Variants in EXTL1 observed in about 807,000 individuals in gnomAD.
The protein encoded by EXTL1 is exostosin-like 1.
In EXTL1, 43 loss-of-function variants were observed where a neutral mutation model predicts 64.6. That is an observed-to-expected ratio of 0.67 (90% CI 0.52 to 0.86). The LOEUF is 0.86. EXTL1 is among the 40% of genes least tolerant of loss of function. The pLI is 0.00. For missense variants in EXTL1, 766 were observed against 879.0 expected (o/e 0.87, Z 1.62); for synonymous variants, 352 against 360.5 (o/e 0.98, Z 0.27).
chr1:26,029,592 C>T lies in EXTL1; in HGVS notation c.874-8C>T, dbSNP rs749330190. The T allele has an allele frequency of 2.5e-5, 39 of 1,571,558 alleles. No homozygotes were observed. The highest frequency in any genetic ancestry group is 3.3e-5 in the Non-Finnish European group (38 of 1,148,628). ...GCTGGGCTCCCCAGTGACCTCCCCG[C>T]CCCCCAGGCCGGCTGCATCCCAGTG... On this transcript the variant is annotated splice_region_variant and splice_polypyrimidine_tract_variant and intron_variant, in intron 2 of 10. Transcript: ENST00000374280.
At chr1:26,029,912 C>T (rs2802323) in intron 3 of EXTL1, among the ~76,000 whole-genome samples, 1 of 152,202 alleles carries the variant, frequency 6.6e-6, no homozygotes, top group African/African-American at 2.4e-5. Flanking sequence ...GAGAGCAAGT[C>T]CTGATCCTCT....
Position 26,035,536 on chromosome 1 carries a change from C to G in EXTL1, c.*189C>G. The G allele has an allele frequency of 2.1e-6, 1 of 475,780 alleles. No homozygotes were observed. The highest frequency in any genetic ancestry group is 3.7e-6 in the Non-Finnish European group (1 of 270,376). The allele number at this position is 475,780 out of a possible 1,614,324, so 29.5% of individuals were successfully genotyped here. A position where few individuals can be genotyped will look rare whatever the true frequency, so the allele number is the denominator to read the frequency against. On this transcript the variant is annotated 3_prime_UTR_variant, in exon 11 of 11. Coordinates refer to ENST00000374280, the MANE Select transcript of EXTL1 (RefSeq NM_004455.3). This position sits in a 1 kb window ranked among gnomAD's most constrained non-coding sequence, Gnocchi z 5.3. The stretch of plus-strand genomic sequence containing the variant: ...CTTACCTTCTCCTGCTCGCCCTCAG[C>G]CGCGGAGCCTCTGCGGAGGCTGAGC...
rs974447245 is a variant in EXTL1 at position 26,033,982 on chromosome 1, CCAG to C, written c.1679+128_1679+130del. The C allele has an allele frequency of 6.7e-5, 55 of 822,204 alleles. No homozygotes were observed. The African/African-American group carries it at 9.7e-4, about 15-fold the overall frequency. The allele number at this position is 822,204 out of a possible 1,614,324, so 50.9% of individuals were successfully genotyped here. A position where few individuals can be genotyped will look rare whatever the true frequency, so the allele number is the denominator to read the frequency against. ...GTTCAAGGCCGAGATCTGCCACTTC[CCAG>C]CTGTGGGATCCTGGGCAAATCTCCT... On this transcript the variant is annotated intron_variant, in intron 9 of 10. Transcript: ENST00000374280. The surrounding 1 kb of genome is among the most constrained non-coding windows in gnomAD (Gnocchi z 5.1).
chr1:26,033,995 C>A lies in EXTL1; in HGVS notation c.1679+139C>A. 1 of 740,514 alleles carries A rather than the reference C, an allele frequency of 1.4e-6. No homozygotes were observed. Among genetic ancestry groups the A allele is most frequent in the Non-Finnish European group, 2.1e-6 (1 of 485,884 alleles). The allele number at this position is 740,514 out of a possible 1,614,324, so 45.9% of individuals were successfully genotyped here. ...ATCTGCCACTTCCCAGCTGTGGGATCCTGGGCAAATCTCCTCACTTCTCTA... is the reference window on the plus strand; with the variant it reads ...ATCTGCCACTTCCCAGCTGTGGGATACTGGGCAAATCTCCTCACTTCTCTA... On this transcript the variant is annotated intron_variant, in intron 9 of 10. Transcript: ENST00000374280. The surrounding 1 kb of genome is among the most constrained non-coding windows in gnomAD (Gnocchi z 5.1).
chr1:26,035,660 C>T lies in EXTL1; in HGVS notation c.*313C>T. ...CCAGGGACTTGCCTGGCCCTCCTCC[C>T]CCTCCGCCCCCAATGGGTTCGGTCT... On this transcript the variant is annotated 3_prime_UTR_variant, in exon 11 of 11. Coordinates refer to ENST00000374280, the MANE Select transcript of EXTL1 (RefSeq NM_004455.3). The surrounding 1 kb of genome is among the most constrained non-coding windows in gnomAD (Gnocchi z 5.3). The T allele has an allele frequency of 3.3e-6, 1 of 303,230 alleles. No homozygotes were observed. The highest frequency in any genetic ancestry group is 6.1e-6 in the Non-Finnish European group (1 of 163,414). 18.8% of individuals were successfully genotyped at this position (303,230 alleles called of 1,614,324 possible). A position where few individuals can be genotyped will look rare whatever the true frequency, so the allele number is the denominator to read the frequency against.
intron 1 of EXTL1, among the ~76,000 whole-genome samples, chr1:26,027,694 A>AAAAAAAAAAAAAAAAAAG (rs1557551579): frequency 1.1e-4 from 15 of 139,658 alleles, no homozygotes; most frequent in Admixed American, 2.2e-4. Context: ...ATCTCTAAAA[A>AAAAAAAAAAAAAAAAAAG]AAAAAAAAAA....
rs369182011 is a variant in EXTL1 at position 26,029,591 on chromosome 1, G to A, written c.874-9G>A. Reference sequence around the variant, plus strand: ...GGCTGGGCTCCCCAGTGACCTCCCCGCCCCCCAGGCCGGCTGCATCCCAGT... The same window carrying A: ...GGCTGGGCTCCCCAGTGACCTCCCCACCCCCCAGGCCGGCTGCATCCCAGT... On this transcript the variant is annotated splice_polypyrimidine_tract_variant and intron_variant, in intron 2 of 10. Transcript: ENST00000374280. 30 of 1,569,682 alleles carry A rather than the reference G, an allele frequency of 1.9e-5. No homozygotes were observed. The African/African-American group carries it at 3.5e-4, about 18-fold the overall frequency.
At position 26,033,432 on chromosome 1, in the gene EXTL1, C is replaced by A. The variant is rs1252570750; in HGVS notation, c.1518+117C>A. 67 of 875,670 alleles carry A rather than the reference C, an allele frequency of 7.7e-5. No homozygotes were observed. The East Asian group carries it at 1.4e-3, about 18-fold the overall frequency. The allele number at this position is 875,670 out of a possible 1,614,324, so 54.2% of individuals were successfully genotyped here. On this transcript the variant is annotated intron_variant, in intron 8 of 10. Coordinates refer to ENST00000374280, the MANE Select transcript of EXTL1 (RefSeq NM_004455.3). The surrounding 1 kb of genome is among the most constrained non-coding windows in gnomAD (Gnocchi z 5.1). ...CCAGGTCATGAGGTCCAGCCTCTTG[C>A]ATTTGAAACCACCCCAGCAAGCCAG... is the stretch of plus-strand genomic sequence containing the variant.
In EXTL1 at chr1:26,035,009, G is replaced by C; in HGVS notation, c.1848+5G>C. 1 of 1,613,926 alleles carries C rather than the reference G, an allele frequency of 6.2e-7. No individual in the cohort carries two copies. The highest frequency in any genetic ancestry group is 1.3e-5 in the African/African-American group (1 of 75,066). ...CGCCAGGAGGCTGCTCCACTGGTGAGGGCTGAGGGGGATTGGTCGGAACTG... is the reference window on the plus strand; with the variant it reads ...CGCCAGGAGGCTGCTCCACTGGTGACGGCTGAGGGGGATTGGTCGGAACTG... On this transcript the variant is annotated splice_donor_5th_base_variant and intron_variant, in intron 10 of 10. Transcript: ENST00000374280. This position sits in a 1 kb window ranked among gnomAD's most constrained non-coding sequence, Gnocchi z 5.3.
In EXTL1 at chr1:26,035,488, C is replaced by A; in HGVS notation, c.*141C>A. 1 of 710,866 alleles carries A rather than the reference C, an allele frequency of 1.4e-6. No individual in the cohort carries two copies. Among genetic ancestry groups the A allele is most frequent in the Non-Finnish European group, 2.3e-6 (1 of 438,628 alleles). 44.0% of individuals were successfully genotyped at this position (710,866 alleles called of 1,614,324 possible). ...GCCCACACGTCGGACCCCGGTTGGC[C>A]AATCACAACAGGGGGGCGTGGCCTT... is the stretch of plus-strand genomic sequence containing the variant. On this transcript the variant is annotated 3_prime_UTR_variant, in exon 11 of 11. Transcript: ENST00000374280. The surrounding 1 kb of genome is among the most constrained non-coding windows in gnomAD (Gnocchi z 5.3).
intron 1 of EXTL1, among the ~76,000 whole-genome samples, chr1:26,024,047 C>T (rs1300370758): frequency 6.6e-6 from 1 of 152,206 alleles, no homozygotes; most frequent in Non-Finnish European, 1.5e-5. Context: ...AAGAAACAGC[C>T]TTTGGTTATA....
Position 26,032,438 on chromosome 1 carries a change from T to A in EXTL1, c.1384T>A (p.Trp462Arg). 1 of 1,555,758 alleles carries A rather than the reference T, an allele frequency of 6.4e-7. No homozygotes were observed. The highest frequency in any genetic ancestry group is 8.7e-7 in the Non-Finnish European group (1 of 1,149,204). ...WSNERPLPSR[W>R]PETAVPLTVI... ...CAATGAGAGGCCACTCCCATCCAGG[T>A]GGCCGGAGACAGCTGTGCCCTTGAC... Residue 462 changes from tryptophan (W) to arginine (R), a missense_variant, in exon 7 of 11, where the codon TGG (tryptophan) becomes AGG (arginine). Physicochemically the swap from Trp to Arg is moderately radical, Grantham distance 101. Around this residue, in one of 3 missense-constraint regions of EXTL1, gnomAD observed 571 missense variants for 647.6 expected, o/e 0.88. Transcript: ENST00000374280.
At position 26,035,412 on chromosome 1, in the gene EXTL1, C is replaced by A. The variant is rs2050329115; in HGVS notation, c.*65C>A. The A allele has an allele frequency of 9.7e-6, 14 of 1,443,136 alleles. No individual in the cohort carries two copies. Among genetic ancestry groups the A allele is most frequent in the East Asian group, 4.7e-5 (2 of 42,244 alleles). 89.4% of individuals were successfully genotyped at this position (1,443,136 alleles called of 1,614,324 possible). A position where few individuals can be genotyped will look rare whatever the true frequency, so the allele number is the denominator to read the frequency against. On this transcript the variant is annotated 3_prime_UTR_variant, in exon 11 of 11. Transcript: ENST00000374280. The surrounding 1 kb of genome is among the most constrained non-coding windows in gnomAD (Gnocchi z 5.3). Reference sequence around the variant, plus strand: ...AGCTCCCAGGGGGCCCGGCGCCTGCCGGCGGGCTCCGCTCTTGGGACACCG... The same window carrying A: ...AGCTCCCAGGGGGCCCGGCGCCTGCAGGCGGGCTCCGCTCTTGGGACACCG...
chr1:26,028,806 C>A (rs146066932), intron 1 of EXTL1, among the ~76,000 whole-genome samples: 1 of 152,202 alleles, frequency 6.6e-6, no homozygotes, highest in African/African-American at 2.4e-5. Flanking sequence ...GAAAGTCTGC[C>A]TGTGGCCGAG....
At chr1:26,026,179 G>A (rs1334086987) in intron 1 of EXTL1, among the ~76,000 whole-genome samples, 1 of 148,204 alleles carries the variant, frequency 6.7e-6, no homozygotes, top group Non-Finnish European at 1.5e-5. Context: ...GTCAAGGCTA[G>A]AGTGAGCTGG....
chr1:26,035,026 T>C lies in EXTL1; in HGVS notation c.1848+22T>C. On this transcript the variant is annotated intron_variant, in intron 10 of 10. Coordinates refer to ENST00000374280, the MANE Select transcript of EXTL1 (RefSeq NM_004455.3). The surrounding 1 kb of genome is among the most constrained non-coding windows in gnomAD (Gnocchi z 5.3). Reference sequence around the variant, plus strand: ...ACTGGTGAGGGCTGAGGGGGATTGGTCGGAACTGGCAGGGATTGGGCGGGG... The same window carrying C: ...ACTGGTGAGGGCTGAGGGGGATTGGCCGGAACTGGCAGGGATTGGGCGGGG... The C allele has an allele frequency of 6.2e-7, 1 of 1,613,112 alleles. No individual in the cohort carries two copies. The highest frequency in any genetic ancestry group is 8.5e-7 in the Non-Finnish European group (1 of 1,179,298).
intron 4 of EXTL1, 127 bp from the exon 5 acceptor site, chr1:26,031,005 C>A (rs1278128889): frequency 4.3e-6 from 5 of 1,168,916 alleles, no homozygotes; most frequent in South Asian, 1.3e-5. Context: ...GTGCCCCCTA[C>A]TCTAGACTCA....
Position 26,031,475 on chromosome 1 carries a change from G to T in EXTL1, c.1250G>T (p.Gly417Val). The T allele has an allele frequency of 3.2e-6, 5 of 1,584,158 alleles. No homozygotes were observed. The highest frequency in any genetic ancestry group is 1.7e-4 in the Middle Eastern group (1 of 6,004). Reference protein sequence around the residue: ...YYLQQGSRPEGRFSALIWVGP... With the variant: ...YYLQQGSRPEVRFSALIWVGP... ...ATTCCCCCAGGCTCCCGCCCTGAGGGCAGATTCAGCGCCCTGATCTGGGTG... is the reference window on the plus strand; with the variant it reads ...ATTCCCCCAGGCTCCCGCCCTGAGGTCAGATTCAGCGCCCTGATCTGGGTG... Residue 417 changes from glycine to valine, a missense_variant, in exon 6 of 11, where the codon GGC becomes GTC. Around this residue, in one of 3 missense-constraint regions of EXTL1, gnomAD observed 571 missense variants for 647.6 expected, o/e 0.88. Coordinates refer to ENST00000374280, the MANE Select transcript of EXTL1 (RefSeq NM_004455.3).
At chr1:26,031,638 T>C in intron 6 of EXTL1, 72 bp downstream of exon 6, 1 of 886,946 alleles carries the variant, frequency 1.1e-6, no homozygotes, top group South Asian at 2.2e-5. Context: ...CCCTGATGAC[T>C]TCCAGACCCC....
Sources: allele counts gnomAD v4.1 joint callset (sites outside exome capture counted in the v4.1 genomes callset), GRCh38; gene constraint gnomAD v4.1.1; regional missense constraint gnomAD v4.1.1; non-coding constraint Gnocchi (gnomAD v3.1); transcripts MANE v1.5; gene names NCBI Gene and HGNC (gene_info 2026-07-23, HGNC 2026-07-21).